CCNH: variants seen among roughly 807,000 people sequenced by gnomAD.
CCNH encodes cyclin H, also known as cyclin-H.
CCNH carries 31 observed loss-of-function variants against 41.9 expected under a neutral mutation model. The ratio of observed to expected loss-of-function variants is 0.74; its 90% CI spans 0.56 to 1.00. The LOEUF (loss-of-function observed/expected upper bound fraction) is 1.00, where lower values mean the gene tolerates loss of function less well. Among genes scored for constraint, CCNH ranks in the 50% least tolerant of loss-of-function variants. The pLI is 0.00. For synonymous variants in CCNH, 138 were observed against 136.1 expected (o/e 1.01, Z -0.10); for missense variants, 362 against 388.4 (o/e 0.93, Z 0.57).
At chr5:87,412,529 G>C in intron 1 of CCNH, 149 bp downstream of exon 1, 1 of 1,443,802 alleles carries the variant, frequency 6.9e-7, no homozygotes, top group South Asian at 1.4e-5. Context: ...AACCTGGCAA[G>C]GTGCTCGCTT....
At chr5:87,323,455 G>C (rs1000158306) in intron 9 of CCNH, among the ~76,000 whole-genome samples, 2 of 152,078 alleles carry the variant, frequency 1.3e-5, no homozygotes, top group African/African-American at 2.4e-5. Flanking sequence ...GTGCTCATAG[G>C]GTTATTGCTG....
chr5:87,386,178 CTT>C (rs1315420014), intron 9 of CCNH, among the ~76,000 whole-genome samples: 1 of 151,906 alleles, frequency 6.6e-6, no homozygotes, highest in Non-Finnish European at 1.5e-5. Context: ...GTTAGAGAGA[CTT>C]TCATGTCTTT....
intron 9 of CCNH, among the ~76,000 whole-genome samples, chr5:87,331,779 G>C (rs1476961614): frequency 6.6e-6 from 1 of 151,960 alleles, no homozygotes; most frequent in Non-Finnish European, 1.5e-5. Flanking sequence ...GAGTGGTAAG[G>C]CTAAAATAAA....
At chr5:87,368,480 G>A (rs1016831226) in intron 9 of CCNH, among the ~76,000 whole-genome samples, 1 of 152,044 alleles carries the variant, frequency 6.6e-6, no homozygotes, top group Non-Finnish European at 1.5e-5. Flanking sequence ...TGTCTACTTA[G>A]TTTGACTAAG....
At chr5:87,386,282 A>G (rs1338817172) in intron 9 of CCNH, among the ~76,000 whole-genome samples, 1 of 151,996 alleles carries the variant, frequency 6.6e-6, no homozygotes, top group Non-Finnish European at 1.5e-5. Context: ...CCCTATTTAT[A>G]GCATGGTTTT....
chr5:87,351,013 A>G (rs994597179), intron 9 of CCNH, among the ~76,000 whole-genome samples: 1 of 151,696 alleles, frequency 6.6e-6, no homozygotes, highest in African/African-American at 2.4e-5. Flanking sequence ...TGTTAGATCT[A>G]AATGTATAAA....
chr5:87,387,252 G>A (rs1762124375), downstream of CCNH, among the ~76,000 whole-genome samples: 1 of 152,026 alleles, frequency 6.6e-6, no homozygotes, highest in Non-Finnish European at 1.5e-5. Flanking sequence ...CTGCTACTAT[G>A]TGGGGCGTGA....
intron 9 of CCNH, among the ~76,000 whole-genome samples, chr5:87,345,202 G>A (rs1758768638): frequency 6.6e-6 from 1 of 152,118 alleles, no homozygotes; most frequent in Admixed American, 6.6e-5. Flanking sequence ...TGCAAACCAT[G>A]TGGTTGAAAT....
intron 9 of CCNH, among the ~76,000 whole-genome samples, chr5:87,348,144 C>G (rs1229506448): frequency 6.6e-6 from 1 of 151,846 alleles, no homozygotes; most frequent in African/African-American, 2.4e-5. Flanking sequence ...TCATTTTAGC[C>G]CATATTATAC....
At chr5:87,394,867 G>A in intron 8 of CCNH, 177 bp downstream of exon 8, 1 of 1,393,254 alleles carries the variant, frequency 7.2e-7, no homozygotes, top group Non-Finnish European at 9.3e-7. Flanking sequence ...AAAGACAGAA[G>A]AGAGAAAAAT....
At chr5:87,373,410 T>G (rs1320178929), downstream of CCNH, among the ~76,000 whole-genome samples, 1 of 152,164 alleles carries the variant, frequency 6.6e-6, no homozygotes, top group Non-Finnish European at 1.5e-5. Flanking sequence ...TTGAGCATCT[T>G]GGGCTTCGTT....
At chr5:87,341,625 T>G (rs1758468936) in intron 9 of CCNH, among the ~76,000 whole-genome samples, 1 of 152,184 alleles carries the variant, frequency 6.6e-6, no homozygotes, top group Non-Finnish European at 1.5e-5. Context: ...TTATTCATAG[T>G]ATTTCTTGGT....
chr5:87,359,027 C>A (rs1316867821), intron 9 of CCNH, among the ~76,000 whole-genome samples: 3 of 152,168 alleles, frequency 2.0e-5, no homozygotes, highest in African/African-American at 7.2e-5. Flanking sequence ...ACATGTAGTA[C>A]AATTTATTTA....
At chr5:87,349,124 G>T (rs1299992739) in intron 9 of CCNH, 3 of 1,415,364 alleles carry the variant, frequency 2.1e-6, no homozygotes, top group Non-Finnish European at 2.0e-6. Context: ...ATATGTTTAT[G>T]ACTTTGAATG....
chr5:87,316,600 G>A (rs1028325579), downstream of CCNH, among the ~76,000 whole-genome samples: 1 of 152,108 alleles, frequency 6.6e-6, no homozygotes, highest in Non-Finnish European at 1.5e-5. Flanking sequence ...ACAGAGACTT[G>A]AGGATTGAGA....
chr5:87,371,725 G>GT (rs1424571258), downstream of CCNH, among the ~76,000 whole-genome samples: 1 of 152,054 alleles, frequency 6.6e-6, no homozygotes, highest in African/African-American at 2.4e-5. Flanking sequence ...CTCACAAAGT[G>GT]TATCAAGTTA....
intron 9 of CCNH, among the ~76,000 whole-genome samples, chr5:87,356,572 T>C (rs948808505): frequency 6.6e-6 from 1 of 152,072 alleles, no homozygotes; most frequent in South Asian, 2.1e-4. Context: ...TTTGTAGAGA[T>C]AGAGTCTTGC....
intron 7 of CCNH, among the ~76,000 whole-genome samples, chr5:87,396,214 C>T (rs189378806): frequency 5.8e-4 from 89 of 152,226 alleles, no homozygotes; most frequent in African/African-American, 2.0e-3. Context: ...TATGCAAATA[C>T]GCCATTTTGT....
chr5:87,351,979 A>G (rs113023252), intron 9 of CCNH, among the ~76,000 whole-genome samples: 203 of 151,982 alleles, frequency 1.3e-3, no homozygotes, highest in African/African-American at 4.7e-3. Context: ...TTTTGCTTTA[A>G]AACACATAGT....
Sources: allele counts gnomAD v4.1 joint callset (sites outside exome capture counted in the v4.1 genomes callset), GRCh38; gene constraint gnomAD v4.1.1; transcripts MANE v1.5; gene names NCBI Gene and HGNC (gene_info 2026-07-23, HGNC 2026-07-21).